The following RNF17 variants were observed in gnomAD, a reference collection of about 807,000 sequenced individuals.
RNF17 encodes the protein spermatogenesis associated 23.
A neutral mutation model predicts 200.5 loss-of-function variants in RNF17; 31 were observed. That is an observed-to-expected ratio of 0.15 (90% confidence interval 0.12 to 0.21). RNF17 has a LOEUF of 0.21. Among genes scored for constraint, RNF17 ranks in the 10% least tolerant of loss-of-function variants. RNF17 has a pLI of 1.00. For synonymous variants in RNF17, 606 were observed against 637.8 expected (o/e 0.95, Z 0.75); for missense variants, 1,628 against 1,905.1 (o/e 0.85, Z 2.71).
the RNF17 span, chr13:24,885,644 C>T: frequency 6.2e-7 from 1 of 1,613,006 alleles, no homozygotes; most frequent in South Asian, 1.1e-5. Flanking sequence ...CGAGGAGGTG[C>T]AGACTTGGAT....
At chr13:24,781,969 C>A in intron 6 of RNF17, 25 bp downstream of exon 6, 1 of 1,396,112 alleles carries the variant, frequency 7.2e-7, no homozygotes, top group South Asian at 1.2e-5. Flanking sequence ...AATATGGACT[C>A]AATGAAACTG....
the RNF17 span, chr13:24,886,110 A>G: frequency 2.5e-6 from 1 of 396,670 alleles, no homozygotes; most frequent in Non-Finnish European, 5.0e-6. Flanking sequence ...TACCAGCAAC[A>G]TATACATTAC....
At position 24,853,848 on chromosome 13, in the gene RNF17, G is replaced by A; in HGVS notation, c.3321-7G>A. 3 of 1,578,358 alleles carry A rather than the reference G, an allele frequency of 1.9e-6. No homozygotes were observed. The highest frequency in any genetic ancestry group is 1.2e-5 in the South Asian group (1 of 85,238). On this transcript the variant is annotated splice_polypyrimidine_tract_variant and splice_region_variant and intron_variant, in intron 24 of 35. Transcript: ENST00000255324. ...TGTTTAGATGTGTTCTTTTTTGGATGTTACAGAATTAATAACTTAGATAAC... is the reference window on the plus strand; with the variant it reads ...TGTTTAGATGTGTTCTTTTTTGGATATTACAGAATTAATAACTTAGATAAC...
the RNF17 span, among the ~76,000 whole-genome samples, chr13:24,757,648 C>T: frequency 1.3e-5 from 2 of 152,090 alleles, no homozygotes; most frequent in South Asian, 4.2e-4. Context: ...GTATAAAGAA[C>T]ATATAATAGT....
chr13:24,793,222 A>G lies in RNF17; in HGVS notation c.1116A>G (p.Glu372=). The G allele has an allele frequency of 6.2e-7, 1 of 1,614,144 alleles. No individual in the cohort carries two copies. Residue 372 remains glutamate, a synonymous_variant, in exon 10 of 36, where the codon GAA becomes GAG. Transcript: ENST00000255324. The stretch of plus-strand genomic sequence containing the variant: ...CTGAGACAAATGATGTACATTTAGA[A>G]GCAAAAAACTTCCAGCCACAGAAAG... ...LQPETNDVHL[E]AKNFQPQKDV...
chr13:24,751,625 T>C, the RNF17 span: 1 of 152,206 alleles, frequency 6.6e-6, no homozygotes, highest in Non-Finnish European at 1.5e-5. Flanking sequence ...AGTCAAGTCT[T>C]CATCATCTAG....
intron 15 of RNF17, among the ~76,000 whole-genome samples, chr13:24,814,054 T>G (rs534523296): frequency 2.0e-5 from 3 of 152,220 alleles, no homozygotes; most frequent in Admixed American, 2.0e-4. Flanking sequence ...AACATATATT[T>G]TGTATATGTA....
Position 24,764,888 on chromosome 13 carries a change from G to GGGGGGTGTGTGTGT in RNF17, c.130+556_130+557insGGGGTGTGTGTGTG, listed in dbSNP as rs899352115. ...ATAGTTTCTTTTGTGCACCTTGTGG[G>GGGGGGTGTGTGTGT]GTGTGTGTGTGTGTGTGTGTGTGTG... On this transcript the variant is annotated intron_variant, in intron 1 of 35. Transcript: ENST00000255324. Among the ~76,000 whole-genome samples, 5 of 134,174 alleles carry GGGGGGTGTGTGTGT rather than the reference G, an allele frequency of 3.7e-5. No homozygotes were observed. The East Asian group carries it at 1.0e-3, about 27-fold the overall frequency. The allele number at this position is 134,174 out of a possible 152,430, so 88.0% of individuals were successfully genotyped here. A position where few individuals can be genotyped will look rare whatever the true frequency, so the allele number is the denominator to read the frequency against.
chr13:24,880,494 A>G (rs936101188), downstream of RNF17, among the ~76,000 whole-genome samples: 12 of 152,236 alleles, frequency 7.9e-5, no homozygotes, highest in African/African-American at 2.9e-4. Flanking sequence ...CTACATATGA[A>G]TGCATCCATA....
intron 2 of RNF17, among the ~76,000 whole-genome samples, chr13:24,772,973 A>G (rs149349028): frequency 9.2e-5 from 14 of 152,234 alleles, no homozygotes; most frequent in African/African-American, 3.4e-4. Context: ...TGCTCACATC[A>G]CTTACCAGAG....
intron 11 of RNF17, among the ~76,000 whole-genome samples, chr13:24,797,638 G>A (rs1257637280): frequency 6.6e-6 from 1 of 151,376 alleles, no homozygotes; most frequent in African/African-American, 2.4e-5. Flanking sequence ...GCACACGTTA[G>A]GTTAATTGGT....
At chr13:24,748,919 T>G in the RNF17 span, among the ~76,000 whole-genome samples, 1 of 152,046 alleles carries the variant, frequency 6.6e-6, no homozygotes, top group South Asian at 2.1e-4. Flanking sequence ...CCGGCTAATT[T>G]TTTTGTACTT....
intron 11 of RNF17, among the ~76,000 whole-genome samples, 157 bp downstream of exon 11, chr13:24,796,452 G>A (rs985383681): frequency 6.6e-6 from 1 of 152,104 alleles, no homozygotes; most frequent in Non-Finnish European, 1.5e-5. Flanking sequence ...AAATTATTTA[G>A]GCAAATTAGC....
upstream of RNF17, among the ~76,000 whole-genome samples, chr13:24,761,563 C>A (rs1878741479): frequency 6.6e-6 from 1 of 152,150 alleles, no homozygotes; most frequent in Admixed American, 6.5e-5. Context: ...CTGTTTATCT[C>A]ATTTCTCAGC....
chr13:24,754,174 A>AT, the RNF17 span, among the ~76,000 whole-genome samples: 4 of 151,446 alleles, frequency 2.6e-5, no homozygotes, highest in Admixed American at 6.6e-5. Flanking sequence ...AATTAAAAAA[A>AT]AAATAAAATA....
At chr13:24,748,746 G>GTT in the RNF17 span, among the ~76,000 whole-genome samples, 1 of 121,542 alleles carries the variant, frequency 8.2e-6, no homozygotes, top group Non-Finnish European at 1.9e-5. Flanking sequence ...GGTTTTTTTT[G>GTT]TTTTTTGTTT....
chr13:24,772,124 A>G (rs890194529), intron 2 of RNF17, among the ~76,000 whole-genome samples: 7 of 152,200 alleles, frequency 4.6e-5, no homozygotes, highest in Middle Eastern at 3.2e-3. Flanking sequence ...TTTATTGAGT[A>G]ATCCTTCCAT....
At chr13:24,811,994 C>T (rs1446268408) in intron 15 of RNF17, among the ~76,000 whole-genome samples, 3 of 152,088 alleles carry the variant, frequency 2.0e-5, no homozygotes, top group Non-Finnish European at 2.9e-5. Context: ...AGGCAGTCTG[C>T]CCATTCTCAG....
chr13:24,763,452 CG>C (rs1879044008), upstream of RNF17, among the ~76,000 whole-genome samples: 1 of 150,234 alleles, frequency 6.7e-6, no homozygotes, highest in Non-Finnish European at 1.5e-5. Context: ...CTCCTGACCT[CG>C]TGATCTGCCC....
Sources: gnomAD v4.1 joint callset for allele counts (sites outside exome capture counted in the v4.1 genomes callset) on GRCh38, gnomAD v4.1.1 for gene constraint, MANE v1.5 for transcripts, NCBI Gene and HGNC (gene_info 2026-07-23, HGNC 2026-07-21) for gene names.